Variants in PCDHA9 observed in about 807,000 individuals in gnomAD.
The protein encoded by PCDHA9 is protocadherin alpha 9.
In PCDHA9, 62 loss-of-function variants were observed where a neutral mutation model predicts 62.0. That is an observed-to-expected ratio of 1.00 (90% confidence interval 0.81 to 1.23). PCDHA9 has a LOEUF of 1.23. Ranked by LOEUF, PCDHA9 falls within the 50% of genes most tolerant of loss-of-function variation. The pLI, the probability that PCDHA9 is intolerant of heterozygous loss-of-function variation, is 0.00. For missense variants in PCDHA9, 1,205 were observed against 1,249.8 expected (o/e 0.96, Z 0.54); for synonymous variants, 557 against 567.6 (o/e 0.98, Z 0.27).
intron 1 of PCDHA9, chr5:140,877,782 G>A (rs1389004100): frequency 6.2e-7 from 1 of 1,614,036 alleles, no homozygotes; most frequent in Non-Finnish European, 8.5e-7. Context: ...CGGACCTCAT[G>A]GCCTTCAGCC....
intron 1 of PCDHA9, among the ~76,000 whole-genome samples, chr5:140,917,447 A>T (rs155358): frequency 0.58 from 87,947 of 151,944 alleles, 26,404 homozygotes; most frequent in African/African-American, 0.75. Flanking sequence ...TTGCTGCAAG[A>T]GCGTTTGGCA....
intron 3 of PCDHA9, among the ~76,000 whole-genome samples, chr5:141,000,417 A>AT (rs1563652061): frequency 7.5e-4 from 58 of 77,708 alleles, no homozygotes; most frequent in African/African-American, 1.3e-3. Context: ...ATATATATAT[A>AT]TATATTTTTT....
At chr5:140,911,312 T>C (rs2075424091) in intron 1 of PCDHA9, among the ~76,000 whole-genome samples, 1 of 152,154 alleles carries the variant, frequency 6.6e-6, no homozygotes, top group African/African-American at 2.4e-5. Context: ...CCATTCCAAG[T>C]TTCAGGATCC....
intron 3 of PCDHA9, among the ~76,000 whole-genome samples, chr5:140,984,922 C>T (rs2097125803): frequency 6.6e-6 from 1 of 152,074 alleles, no homozygotes; most frequent in Non-Finnish European, 1.5e-5. Flanking sequence ...TAGTGCTTGA[C>T]ATATAGTTAA....
At chr5:140,938,719 T>A (rs1484492024) in intron 1 of PCDHA9, among the ~76,000 whole-genome samples, 2 of 152,098 alleles carry the variant, frequency 1.3e-5, no homozygotes, top group African/African-American at 4.8e-5. Context: ...TAGAAACGCG[T>A]TTCTACAGAA....
chr5:140,973,653 A>G (rs2096597249), intron 1 of PCDHA9, among the ~76,000 whole-genome samples: 1 of 152,202 alleles, frequency 6.6e-6, no homozygotes, highest in African/African-American at 2.4e-5. Context: ...TGAAGAAGAA[A>G]TCTATTTATT....
chr5:140,957,652 A>G (rs2095373583), intron 1 of PCDHA9, among the ~76,000 whole-genome samples: 1 of 152,132 alleles, frequency 6.6e-6, no homozygotes, highest in African/African-American at 2.4e-5. Flanking sequence ...TAAATATTCA[A>G]TCATGGAGTA....
Position 141,009,661 on chromosome 5 carries a change from T to G in PCDHA9, c.2577T>G (p.Gly859=), listed in dbSNP as rs1554262260. ...PEAGEVSPPV[G]AGVNSNSWTF... ...CAGGAGAAGTGTCCCCTCCAGTCGG[T>G]GCGGGTGTCAACAGCAACAGCTGGA... The change falls in exon 4 of 4, where the codon GGT becomes GGG. Residue 859 remains glycine (G), a synonymous_variant. Coordinates refer to ENST00000532602, the MANE Select transcript of PCDHA9 (RefSeq NM_031857.2). 1 of 1,614,030 alleles carries G rather than the reference T, an allele frequency of 6.2e-7. No homozygotes were observed.
chr5:140,857,554 G>T lies in PCDHA9; in HGVS notation c.2394+6665G>T, dbSNP rs782355772. On this transcript the variant is annotated intron_variant, in intron 1 of 3. Coordinates refer to ENST00000532602, the MANE Select transcript of PCDHA9 (RefSeq NM_031857.2). ...TGGAGCGGCGGTTGGGCGAGCGCTC[G>T]CTGTCGAGCTACGTGTCGGTGCACG... 1.1e-5 allele frequency: 18 copies of T among 1,596,768 alleles called. 1 individual carries two copies. Among genetic ancestry groups the T allele is most frequent in the East Asian group, 6.7e-5 (3 of 44,826 alleles).
Position 140,854,000 on chromosome 5 carries a change from C to T in PCDHA9, c.2394+3111C>T, listed in dbSNP as rs1437337577. 5 of 352,352 alleles carry T rather than the reference C, an allele frequency of 1.4e-5. No homozygotes were observed. The East Asian group carries it at 8.5e-4, about 60-fold the overall frequency. 21.8% of individuals were successfully genotyped at this position (352,352 alleles called of 1,614,324 possible). ...CCAATGTAGTGAGACTCATCTCTGC[C>T]AAAAAAAAAAAATTAGCCGGGCATG... On this transcript the variant is annotated intron_variant, in intron 1 of 3. Coordinates refer to ENST00000532602, the MANE Select transcript of PCDHA9 (RefSeq NM_031857.2).
rs1487503403 is a variant in PCDHA9 at position 140,941,191 on chromosome 5, T to TTTCTTTC, written c.2395-37756_2395-37755insCTTTCTT. Among the ~76,000 whole-genome samples, 158 of 93,240 alleles carry TTTCTTTC rather than the reference T, an allele frequency of 1.7e-3. 2 individuals carry two copies. Among genetic ancestry groups the TTTCTTTC allele is most frequent in the South Asian group, 0.011 (38 of 3,542 alleles). 61.2% of individuals were successfully genotyped at this position (93,240 alleles called of 152,430 possible). A position where few individuals can be genotyped will look rare whatever the true frequency, so the allele number is the denominator to read the frequency against. ...CATCTTGAACATCCTGCTTCTTTTT[T>TTTCTTTC]TTTCTTTCTTCCTTTCTTTCTTCCT... On this transcript the variant is annotated intron_variant, in intron 1 of 3. Transcript: ENST00000532602.
intron 1 of PCDHA9, among the ~76,000 whole-genome samples, chr5:140,916,356 G>A (rs2077538770): frequency 6.6e-6 from 1 of 152,202 alleles, no homozygotes; most frequent in Admixed American, 6.5e-5. Context: ...TCAAACAGAA[G>A]GAGTCTTTCA....
intron 1 of PCDHA9, among the ~76,000 whole-genome samples, chr5:140,911,460 G>A (rs1346001317): frequency 1.3e-5 from 2 of 152,140 alleles, no homozygotes; most frequent in African/African-American, 4.8e-5. Context: ...TTTCTCTACA[G>A]GAGATAAGAC....
intron 1 of PCDHA9, among the ~76,000 whole-genome samples, chr5:140,962,147 T>C (rs2095660496): frequency 1.3e-5 from 2 of 152,176 alleles, no homozygotes; most frequent in South Asian, 4.1e-4. Context: ...AGTGCTGGGA[T>C]TACAGGCGTG....
At chr5:140,972,625 G>A (rs2096544051) in intron 1 of PCDHA9, among the ~76,000 whole-genome samples, 1 of 151,044 alleles carries the variant, frequency 6.6e-6, no homozygotes, top group African/African-American at 2.4e-5. Flanking sequence ...AATGTTGTTG[G>A]CACTCCCTTC....
chr5:140,884,021 G>C, intron 1 of PCDHA9: 1 of 1,613,318 alleles, frequency 6.2e-7, no homozygotes, highest in Non-Finnish European at 8.5e-7. Flanking sequence ...GCCGCGGTCG[G>C]TGGGTGCAGG....
chr5:140,930,892 TTTAAC>T, intron 1 of PCDHA9, among the ~76,000 whole-genome samples: 1 of 152,332 alleles, frequency 6.6e-6, no homozygotes, highest in African/African-American at 2.4e-5. Context: ...AGGGAAAAAC[TTTAAC>T]TTACTTTTCT....
intron 1 of PCDHA9, among the ~76,000 whole-genome samples, chr5:140,896,683 C>T (rs2153454060): frequency 6.6e-6 from 1 of 152,068 alleles, no homozygotes; most frequent in South Asian, 2.1e-4. Context: ...GGCCCTTTGC[C>T]CATTTTTTGA....
intron 1 of PCDHA9, chr5:140,926,797 T>G: frequency 2.1e-6 from 3 of 1,450,476 alleles, no homozygotes; most frequent in Non-Finnish European, 1.8e-6. Flanking sequence ...AGGAGCGTGC[T>G]CTTCCCCGCG....
Sources: gnomAD v4.1 joint callset for allele counts (sites outside exome capture counted in the v4.1 genomes callset) on GRCh38, gnomAD v4.1.1 for gene constraint, MANE v1.5 for transcripts, NCBI Gene and HGNC (gene_info 2026-07-23, HGNC 2026-07-21) for gene names.